USP32: variants seen among roughly 807,000 people sequenced by gnomAD.
The protein encoded by USP32 is ubiquitin specific peptidase 32.
A neutral mutation model predicts 204.8 loss-of-function variants in USP32; 59 were observed. That is an observed-to-expected ratio of 0.29 (90% CI 0.23 to 0.36). USP32 has a LOEUF of 0.36. Ranked by LOEUF, USP32 falls within the 10% of genes least tolerant of loss-of-function variation. USP32 has a pLI of 1.00. For missense variants in USP32, 1,160 were observed against 1,946.4 expected, an observed-to-expected ratio of 0.60 and a Z score of 7.60; for synonymous variants, 517 against 678.4, an observed-to-expected ratio of 0.76 and a Z score of 3.70.
chr17:60,410,339 A>C (rs528080851), intron 1 of USP32, among the ~76,000 whole-genome samples: 2 of 151,680 alleles, frequency 1.3e-5, no homozygotes, highest in South Asian at 4.2e-4. Context: ...AGCATACCCC[A>C]TTCCCTAGTC....
chr17:60,236,159 C>A lies in USP32; in HGVS notation c.1218G>T (p.Gln406His). 1.2e-6 allele frequency: 2 copies of A among 1,613,920 alleles called. No homozygotes were observed. Among genetic ancestry groups the A allele is most frequent in the Non-Finnish European group, 1.7e-6 (2 of 1,179,828 alleles). ...WFIISMQWWQ[Q>H]WKEYVKYDAN... ...TCACGTATTTGACATATTCTTTCCA[C>A]TGTTGCCACCACTGCATGGAGATGA... The change falls in exon 12 of 34, where the codon CAG becomes CAT. Residue 406 changes from glutamine to histidine, a missense_variant. Gln to His is a conservative substitution (Grantham distance 24). Transcript: ENST00000300896.
chr17:60,214,093 C>T (rs985775497), intron 17 of USP32, among the ~76,000 whole-genome samples: 4 of 151,980 alleles, frequency 2.6e-5, no homozygotes, highest in African/African-American at 4.8e-5. Flanking sequence ...AGGCTCCCAC[C>T]GCCATGCCCA....
At chr17:60,271,968 C>T (rs1009934219) in intron 5 of USP32, among the ~76,000 whole-genome samples, 5 of 152,094 alleles carry the variant, frequency 3.3e-5, no homozygotes, top group Admixed American at 1.3e-4. Flanking sequence ...TACGCCACCA[C>T]ATCCAGCTAA....
chr17:60,208,515 C>A, intron 23 of USP32, 139 bp downstream of exon 23: 1 of 1,313,948 alleles, frequency 7.6e-7, no homozygotes, highest in East Asian at 2.9e-5. Flanking sequence ...CAAGTCATGC[C>A]TAAAATTAGG....
At chr17:60,312,348 C>A (rs1366054988) in intron 2 of USP32, among the ~76,000 whole-genome samples, 1 of 152,112 alleles carries the variant, frequency 6.6e-6, no homozygotes, top group South Asian at 2.1e-4. Flanking sequence ...TCAACAGAAC[C>A]AAATTAATGT....
chr17:60,279,239 C>A (rs1321206988), intron 5 of USP32, among the ~76,000 whole-genome samples: 1 of 152,122 alleles, frequency 6.6e-6, no homozygotes, highest in Non-Finnish European at 1.5e-5. Flanking sequence ...GTGGCTCACA[C>A]CTGTAATCCC....
rs191899619 is a variant in USP32 at position 60,304,224 on chromosome 17, C to T, written c.187-2520G>A. ...AACCCAAAAATTATAGCTGGATTAT[C>T]ATCAAAAATTATGTAAGCCAGAAAT... On this transcript the variant is annotated intron_variant, in intron 2 of 33. Transcript: ENST00000300896. 4.6e-5 allele frequency among the ~76,000 whole-genome samples: 7 copies of T among 151,948 alleles called. No homozygotes were observed. In the East Asian group the frequency reaches 1.4e-3, roughly 29 times the overall value.
intron 4 of USP32, among the ~76,000 whole-genome samples, chr17:60,289,289 T>G (rs1352043614): frequency 1.3e-5 from 2 of 152,238 alleles, no homozygotes; most frequent in Non-Finnish European, 2.9e-5. Context: ...ATTACAGGCA[T>G]GAGCCACCGT....
chr17:60,201,510 A>C (rs977318771), intron 26 of USP32, among the ~76,000 whole-genome samples: 13 of 151,948 alleles, frequency 8.6e-5, no homozygotes, highest in African/African-American at 3.1e-4. Context: ...ATATAAAGTT[A>C]ATTTATATTC....
rs376780539 is a variant in USP32 at position 60,271,367 on chromosome 17, C to T, written c.686G>A (p.Arg229His). 15 of 1,613,896 alleles carry T rather than the reference C, an allele frequency of 9.3e-6. No individual in the cohort carries two copies. The highest frequency in any genetic ancestry group is 1.0e-5 in the Non-Finnish European group (12 of 1,179,890). ...ATCCCTACCTTCACTTAGAGATGGA[C>T]GAATAGGTGGTGAAACCAATGGGCC... ...TFGPLVSPPI[R>H]PSLSEGLFNA... is the part of the protein sequence containing the mutation. Residue 229 changes from arginine to histidine, a missense_variant, in exon 6 of 34, where the codon CGT becomes CAT. Transcript: ENST00000300896.
At chr17:60,307,328 T>G (rs1209110480) in intron 2 of USP32, among the ~76,000 whole-genome samples, 1 of 152,164 alleles carries the variant, frequency 6.6e-6, no homozygotes, top group African/African-American at 2.4e-5. Context: ...CTTGAACTCC[T>G]GGCCTCAAGT....
intron 11 of USP32, among the ~76,000 whole-genome samples, chr17:60,244,039 T>TG (rs1315604977): frequency 1.5e-5 from 2 of 135,850 alleles, no homozygotes; most frequent in East Asian, 4.0e-4. Context: ...GTTTTTTTTT[T>TG]TTTTTTTTTT....
chr17:60,275,815 G>A (rs905839037), intron 5 of USP32, among the ~76,000 whole-genome samples: 7 of 151,254 alleles, frequency 4.6e-5, no homozygotes, highest in African/African-American at 1.2e-4. Flanking sequence ...AGGTTCTAGC[G>A]ATTCTCCTGC....
At chr17:60,348,755 G>A (rs531576445) in intron 1 of USP32, among the ~76,000 whole-genome samples, 28 of 151,480 alleles carry the variant, frequency 1.8e-4, no homozygotes, top group African/African-American at 2.7e-4. Context: ...GTGACAGAGC[G>A]AGACTGTCTT....
At chr17:60,352,677 G>T (rs1276897398) in intron 1 of USP32, among the ~76,000 whole-genome samples, 1 of 152,164 alleles carries the variant, frequency 6.6e-6, no homozygotes, top group East Asian at 1.9e-4. Context: ...CTGGGAAAAG[G>T]TCAGAATGGA....
At chr17:60,203,396 CAA>C (rs554691150) in intron 26 of USP32, among the ~76,000 whole-genome samples, 50 of 24,364 alleles carry the variant, frequency 2.1e-3, no homozygotes, top group African/African-American at 6.5e-3. Flanking sequence ...GCGAGACTGT[CAA>C]AAAAAAAAAA....
intron 2 of USP32, among the ~76,000 whole-genome samples, chr17:60,339,259 A>G (rs552368522): frequency 4.6e-5 from 7 of 152,170 alleles, no homozygotes; most frequent in South Asian, 4.2e-4. Flanking sequence ...TCAAAACAGT[A>G]TGTCTAATGA....
chr17:60,229,957 G>C (rs1029548378), intron 12 of USP32, among the ~76,000 whole-genome samples: 1 of 152,090 alleles, frequency 6.6e-6, no homozygotes, highest in African/African-American at 2.4e-5. Context: ...GGGATTACAG[G>C]CACGCACCAC....
At chr17:60,354,205 CT>C (rs2089017388) in intron 1 of USP32, among the ~76,000 whole-genome samples, 1 of 152,124 alleles carries the variant, frequency 6.6e-6, no homozygotes, top group South Asian at 2.1e-4. Context: ...TATATTATAA[CT>C]TTTTTTCAAA....
Sources: allele counts gnomAD v4.1 joint callset (sites outside exome capture counted in the v4.1 genomes callset), GRCh38; gene constraint gnomAD v4.1.1; transcripts MANE v1.5; gene names NCBI Gene and HGNC (gene_info 2026-07-23, HGNC 2026-07-21).